KIF4A: variants seen among roughly 807,000 people sequenced by gnomAD.
KIF4A encodes kinesin family member 4A.
Under a neutral mutation model 105.9 loss-of-function variants are expected in KIF4A, and 7 were observed. The observed-to-expected ratio is 0.07, with a 90% CI of 0.04 to 0.12. The LOEUF (loss-of-function observed/expected upper bound fraction) is 0.12. KIF4A is among the 10% of genes least tolerant of loss of function. The pLI, the probability that KIF4A is intolerant of heterozygous loss-of-function variation, is 1.00. For missense variants in KIF4A, 558 were observed against 929.2 expected (o/e 0.60, Z 5.19); for synonymous variants, 281 against 331.3 (o/e 0.85, Z 1.65).
chrX:70,385,325 T>C (rs1398096005), intron 18 of KIF4A, among the ~76,000 whole-genome samples: 2 of 111,704 alleles, frequency 1.8e-5, no homozygotes, highest in African/African-American at 6.5e-5. Context: ...TGACCAGTAA[T>C]GACAATTGGA....
intron 13 of KIF4A, 96 bp downstream of exon 13, chrX:70,344,078 C>T: frequency 3.2e-6 from 2 of 629,139 alleles, no homozygotes; most frequent in South Asian, 2.8e-5. Context: ...TTTGCTGAAA[C>T]AACTAGATTG....
chrX:70,396,345 C>A lies in KIF4A; in HGVS notation c.2489+296C>A, dbSNP rs747470449. The A allele has an allele frequency of 8.7e-4, 144 of 165,803 alleles. 2 individuals carry two copies. Among genetic ancestry groups the A allele is most frequent in the Middle Eastern group, 6.2e-3 (3 of 483 alleles). The allele number at this position is 165,803 out of a possible 1,213,427, so 13.7% of individuals were successfully genotyped here. A position where few individuals can be genotyped will look rare whatever the true frequency, so the allele number is the denominator to read the frequency against. ...TAGTGTCACTGAAGTTGGTATACAA[C>A]CCCCTCGCTGCTAAATTTGACTGGC... On this transcript the variant is annotated intron_variant, in intron 22 of 30. Transcript: ENST00000374403.
At chrX:70,368,874 C>A (rs763218997) in intron 15 of KIF4A, among the ~76,000 whole-genome samples, 2 of 112,131 alleles carry the variant, frequency 1.8e-5, no homozygotes, top group South Asian at 7.5e-4. Flanking sequence ...AGGCAGGTGT[C>A]CTTGAGCTGC....
intron 15 of KIF4A, among the ~76,000 whole-genome samples, chrX:70,371,207 T>C (rs973890181): frequency 1.9e-5 from 2 of 104,226 alleles, no homozygotes; most frequent in African/African-American, 6.8e-5. Context: ...TTTTCCACTG[T>C]CAAACTTCAG....
chrX:70,353,870 A>G lies in KIF4A; in HGVS notation c.1674+63A>G, dbSNP rs910388236. The G allele has an allele frequency of 8.9e-6, 8 of 900,604 alleles. No individual in the cohort carries two copies. The African/African-American group carries it at 1.6e-4, about 18-fold the overall frequency. The allele number at this position is 900,604 out of a possible 1,213,427, so 74.2% of individuals were successfully genotyped here. On this transcript the variant is annotated intron_variant, in intron 15 of 30. Coordinates refer to ENST00000374403, the MANE Select transcript of KIF4A (RefSeq NM_012310.5). ...CAGTCTCTTAAACTGAATGGGAAGA[A>G]AACAACAAGCATATAATTTTTGATG...
chrX:70,399,907 C>T (rs2147736318), intron 22 of KIF4A, among the ~76,000 whole-genome samples: 1 of 101,067 alleles, frequency 9.9e-6, no homozygotes, highest in African/African-American at 3.6e-5. Context: ...CATATGTAAC[C>T]TGCACATTGT....
At chrX:70,409,793 T>C (rs1160359261) in intron 28 of KIF4A, among the ~76,000 whole-genome samples, 7 of 67,662 alleles carry the variant, frequency 1.0e-4, no homozygotes, top group African/African-American at 4.4e-4. Flanking sequence ...CAAGACTGTC[T>C]CAAAAAAAAA....
rs1160414218 is a variant in KIF4A, at chrX:70,290,574, C to A, written c.116C>A (p.Pro39His). The change falls in exon 2 of 31, where the codon CCT becomes CAT. Residue 39 changes from proline to histidine, a missense_variant. By Grantham distance (77) the Pro-to-His change is moderately conservative. Coordinates refer to ENST00000374403, the MANE Select transcript of KIF4A (RefSeq NM_012310.5). ...QMCLSFVPGE[P>H]QVVVGTDKSF... ...TGCCTTTCCTTCGTGCCCGGAGAGC[C>A]TCAGGTGCGTAGCAGAGTCCAGAGC... The A allele has an allele frequency of 8.3e-7, 1 of 1,211,328 alleles. No homozygotes were observed. Among genetic ancestry groups the A allele is most frequent in the East Asian group, 3.0e-5 (1 of 33,820 alleles).
intron 13 of KIF4A, among the ~76,000 whole-genome samples, chrX:70,348,349 GT>G (rs1404066108): frequency 9.0e-6 from 1 of 111,286 alleles, no homozygotes; most frequent in Non-Finnish European, 1.9e-5. Flanking sequence ...AAAGTTTTTT[GT>G]TTTTTTGTTT....
At chrX:70,407,099 T>C in intron 28 of KIF4A, 24 bp downstream of exon 28, 4 of 1,164,079 alleles carry the variant, frequency 3.4e-6, no homozygotes, top group Non-Finnish European at 4.6e-6. Flanking sequence ...CTTCAACTTT[T>C]TTTTTGTTTT....
intron 20 of KIF4A, among the ~76,000 whole-genome samples, chrX:70,393,439 C>G (rs1254695860): frequency 2.7e-5 from 3 of 111,357 alleles, no homozygotes; most frequent in Non-Finnish European, 5.6e-5. Flanking sequence ...AAATGTCAAT[C>G]ATGTCAATTT....
At chrX:70,377,925 C>T (rs2086181520) in intron 18 of KIF4A, among the ~76,000 whole-genome samples, 1 of 112,275 alleles carries the variant, frequency 8.9e-6, no homozygotes, top group African/African-American at 3.2e-5. Flanking sequence ...CAGAGCAAGA[C>T]TCCGTCTCAA....
intron 7 of KIF4A, among the ~76,000 whole-genome samples, chrX:70,326,757 C>T (rs752488159): frequency 6.0e-4 from 67 of 112,063 alleles, no homozygotes; most frequent in African/African-American, 2.1e-3. Flanking sequence ...GATATATATT[C>T]CATCTTTGGG....
intron 15 of KIF4A, among the ~76,000 whole-genome samples, chrX:70,355,292 A>G (rs1309321237): frequency 9.0e-6 from 1 of 111,641 alleles, no homozygotes; most frequent in Non-Finnish European, 1.9e-5. Context: ...GTGGTTCCCA[A>G]TCTCAGAAGT....
intron 7 of KIF4A, among the ~76,000 whole-genome samples, chrX:70,327,517 TG>T (rs2085915303): frequency 9.2e-6 from 1 of 108,914 alleles, no homozygotes; most frequent in South Asian, 4.0e-4. Flanking sequence ...GAATGTGAGG[TG>T]AGGAGAGGGG....
At chrX:70,394,620 G>A (rs749654748) in intron 20 of KIF4A, among the ~76,000 whole-genome samples, 1 of 112,025 alleles carries the variant, frequency 8.9e-6, no homozygotes, top group African/African-American at 3.2e-5. Context: ...TTTCTATTGT[G>A]TCATCTGTTC....
At position 70,291,434 on chromosome X, in the gene KIF4A, G is replaced by A. The variant is rs371782136; in HGVS notation, c.235+629G>A. 1.6e-4 allele frequency among the ~76,000 whole-genome samples: 18 copies of A among 110,522 alleles called. No individual in the cohort carries two copies. In the East Asian group the frequency reaches 2.9e-3, roughly 18 times the overall value. On this transcript the variant is annotated intron_variant, in intron 3 of 30. Transcript: ENST00000374403. ...GTGGGAAAACTTTGAGATGGGTCTT[G>A]AATAATGAGTATACTTCTTTTAGGT...
At chrX:70,373,847 TACAC>T (rs902162619) in intron 15 of KIF4A, among the ~76,000 whole-genome samples, 6 of 36,476 alleles carry the variant, frequency 1.6e-4, no homozygotes, top group African/African-American at 4.2e-4. Flanking sequence ...CACACACACA[TACAC>T]ACACACACAC....
chrX:70,403,397 G>A (rs200050812), intron 23 of KIF4A, among the ~76,000 whole-genome samples: 1 of 112,525 alleles, frequency 8.9e-6, no homozygotes, highest in African/African-American at 3.2e-5. Context: ...TGTAGGATAT[G>A]TAGCCTGAAG....
Sources: gnomAD v4.1 joint callset for allele counts (sites outside exome capture counted in the v4.1 genomes callset) on GRCh38, gnomAD v4.1.1 for gene constraint, MANE v1.5 for transcripts, NCBI Gene and HGNC (gene_info 2026-07-23, HGNC 2026-07-21) for gene names.